KAZN: variants seen among roughly 807,000 people sequenced by gnomAD.
The protein encoded by KAZN is kazrin, periplakin interacting protein, also known as kazrin.
A neutral mutation model predicts 87.4 loss-of-function variants in KAZN; 40 were observed. The ratio of observed to expected loss-of-function variants is 0.46; its 90% confidence interval spans 0.36 to 0.60. The LOEUF is 0.60. Ranked by LOEUF, KAZN falls within the 20% of genes least tolerant of loss-of-function variation. KAZN has a pLI of 0.00. For missense variants in KAZN, 898 were observed against 1,073.9 expected (o/e 0.84, Z 2.29); for synonymous variants, 466 against 458.3 (o/e 1.02, Z -0.22).
intron 1 of KAZN, among the ~76,000 whole-genome samples, chr1:14,896,859 G>A (rs1331806120): frequency 1.3e-5 from 2 of 152,158 alleles, no homozygotes; most frequent in African/African-American, 4.8e-5. Flanking sequence ...GATTTGGGGT[G>A]CAAAGAGACC....
intron 1 of KAZN, among the ~76,000 whole-genome samples, chr1:14,764,339 G>A (rs969667572): frequency 2.7e-5 from 4 of 149,966 alleles, no homozygotes; most frequent in Non-Finnish European, 4.4e-5. Context: ...TCCTGATCAC[G>A]ATCACCCTAT....
chr1:14,605,597 A>G (rs999084801), intron 1 of KAZN, among the ~76,000 whole-genome samples: 6 of 152,218 alleles, frequency 3.9e-5, no homozygotes, highest in Admixed American at 6.5e-5. Flanking sequence ...TAAGAAAATC[A>G]TAAGGAAGAG....
At chr1:14,439,264 A>G (rs1666567469) in intron 2 of KAZN, among the ~76,000 whole-genome samples, 1 of 152,068 alleles carries the variant, frequency 6.6e-6, no homozygotes, top group Non-Finnish European at 1.5e-5. Flanking sequence ...CATGCTCCCT[A>G]TGTGATCCAT....
chr1:14,809,832 T>G (rs987103751), intron 1 of KAZN, among the ~76,000 whole-genome samples: 2 of 152,124 alleles, frequency 1.3e-5, no homozygotes, highest in African/African-American at 4.8e-5. Flanking sequence ...CAGGCCACAG[T>G]GCTGGTGGGT....
In KAZN at chr1:15,094,364, G is replaced by A. The variant is rs573589914; in HGVS notation, c.1407G>A (p.Thr469=). ...MAMPMYVKAC[T]ENVKSGKVLL... ...TGCCTATGTACGTCAAGGCCTGCAC[G>A]GAGAACGTGAAGAGCGGGAAGGTAG... The change falls in exon 9 of 15, where the codon ACG becomes ACA. Residue 469 remains threonine, a synonymous_variant. Coordinates refer to ENST00000376030, the MANE Select transcript of KAZN (RefSeq NM_201628.3). The surrounding 1 kb of genome is among the most constrained non-coding windows in gnomAD (Gnocchi z 4.5). 2.0e-5 allele frequency: 32 copies of A among 1,613,200 alleles called. No homozygotes were observed. In the East Asian group the frequency reaches 2.5e-4, roughly 12 times the overall value.
rs967390793 is a variant in KAZN at position 14,923,485 on chromosome 1, C to A, written c.227-37199C>A. 6.6e-6 allele frequency among the ~76,000 whole-genome samples: 1 copy of A among 152,164 alleles called. No homozygotes were observed. Among genetic ancestry groups the A allele is most frequent in the Non-Finnish European group, 1.5e-5 (1 of 68,038 alleles). The stretch of plus-strand genomic sequence containing the variant: ...TCCCAGGGTCCAGGCTCTGGCCTCC[C>A]CTGCCAATGGCTGCCATAGTTGGAG... On this transcript the variant is annotated intron_variant, in intron 1 of 14. Coordinates refer to ENST00000376030, the MANE Select transcript of KAZN (RefSeq NM_201628.3). This position sits in a 1 kb window ranked among gnomAD's most constrained non-coding sequence, Gnocchi z 4.2.
At chr1:14,257,798 T>G (rs1571159477) in intron 2 of KAZN, among the ~76,000 whole-genome samples, 2 of 47,158 alleles carry the variant, frequency 4.2e-5, no homozygotes, top group African/African-American at 9.2e-5. Context: ...TGTGGTGGGG[T>G]CGGGGGAGGG....
intron 1 of KAZN, among the ~76,000 whole-genome samples, chr1:14,858,247 C>G (rs529952894): frequency 4.5e-5 from 5 of 112,070 alleles, no homozygotes; most frequent in Non-Finnish European, 8.5e-5. Flanking sequence ...AAGTCTCACT[C>G]TGTTGCCCAG....
chr1:14,619,535 A>G (rs1005567147), intron 1 of KAZN, among the ~76,000 whole-genome samples: 5 of 152,218 alleles, frequency 3.3e-5, no homozygotes, highest in African/African-American at 1.2e-4. Flanking sequence ...TGAAATACAC[A>G]TAACGGAAAA....
At position 15,067,303 on chromosome 1, in the gene KAZN, G is replaced by A. The variant is rs558865140; in HGVS notation, c.1222+1550G>A. 64 of 985,508 alleles carry A rather than the reference G, an allele frequency of 6.5e-5. 1 individual carries two copies. The African/African-American group carries it at 1.1e-3, about 16-fold the overall frequency. The allele number at this position is 985,508 out of a possible 1,614,324, so 61.0% of individuals were successfully genotyped here. A position where few individuals can be genotyped will look rare whatever the true frequency, so the allele number is the denominator to read the frequency against. On this transcript the variant is annotated intron_variant, in intron 8 of 14. Coordinates refer to ENST00000376030, the MANE Select transcript of KAZN (RefSeq NM_201628.3). ...TCCCTTGGACTCCGTCCCCCAACTT[G>A]TCACAGCAGCCTGAGCCTACCCACC...
At chr1:14,434,723 C>T (rs1279812106) in intron 2 of KAZN, among the ~76,000 whole-genome samples, 3 of 152,076 alleles carry the variant, frequency 2.0e-5, no homozygotes, top group Non-Finnish European at 4.4e-5. Flanking sequence ...GCAGCTCAGG[C>T]ATGACAGGAA....
At chr1:15,029,102 C>T (rs1671437410) in intron 2 of KAZN, among the ~76,000 whole-genome samples, 1 of 152,204 alleles carries the variant, frequency 6.6e-6, no homozygotes, top group South Asian at 2.1e-4. Context: ...ATGGCCAGAA[C>T]TGTGACACCT....
intron 2 of KAZN, among the ~76,000 whole-genome samples, chr1:14,552,271 G>A (rs950905897): frequency 6.6e-5 from 10 of 152,154 alleles, no homozygotes; most frequent in South Asian, 2.1e-4. Context: ...GATCTTGAGC[G>A]GTTCATTTCT....
intron 1 of KAZN, among the ~76,000 whole-genome samples, chr1:14,938,052 T>A (rs1660649399): frequency 1.3e-5 from 2 of 152,158 alleles, no homozygotes; most frequent in South Asian, 4.1e-4. Context: ...GACACAGGGC[T>A]CTGAGTGTGG....
chr1:14,569,448 G>C (rs1025366246), intron 2 of KAZN, among the ~76,000 whole-genome samples: 3 of 147,214 alleles, frequency 2.0e-5, no homozygotes, highest in African/African-American at 7.5e-5. Flanking sequence ...TCAGCCTCCC[G>C]AGTAGCTGGG....
rs373603693 is a variant in KAZN, at chr1:14,735,063, T to TTTTTTGTTTTG, written c.226+135844_226+135845insTGTTTTGTTTT. Among the ~76,000 whole-genome samples, 5,568 of 152,246 alleles carry TTTTTTGTTTTG rather than the reference T, an allele frequency of 0.037. 305 individuals are homozygous for TTTTTTGTTTTG. The highest frequency in any genetic ancestry group is 0.13 in the African/African-American group (5,243 of 41,514). On this transcript the variant is annotated intron_variant, in intron 1 of 14. Transcript: ENST00000376030. The surrounding 1 kb of genome is among the most constrained non-coding windows in gnomAD (Gnocchi z 4.3). Reference sequence around the variant, plus strand: ...GGATGCTAAATGGTCATGCTGGTTTTTTTTGTTTTGTTTTGAGACGGAGTC... The same window carrying TTTTTTGTTTTG: ...GGATGCTAAATGGTCATGCTGGTTTTTTTTTGTTTTGTTTTGTTTTGTTTTGAGACGGAGTC...
rs867256628 is a variant in KAZN at position 14,111,474 on chromosome 1, T to G, written c.92-68961T>G. ...CTGGTGATAATTGTGCACTGAGTAC[T>G]AACGTCAGGCCCAGCAGAGTCCAAA... On this transcript the variant is annotated intron_variant, in intron 1 of 16. Transcript: ENST00000636203. Among the ~76,000 whole-genome samples the G allele has an allele frequency of 3.0e-5, 4 of 135,558 alleles. 1 individual carries two copies. The highest frequency in any genetic ancestry group is 4.9e-4 in the South Asian group (2 of 4,078). 88.9% of individuals were successfully genotyped at this position (135,558 alleles called of 152,430 possible). A position where few individuals can be genotyped will look rare whatever the true frequency, so the allele number is the denominator to read the frequency against.
intron 1 of KAZN, among the ~76,000 whole-genome samples, chr1:14,915,308 T>C (rs1319931566): frequency 6.6e-6 from 1 of 152,208 alleles, no homozygotes; most frequent in Non-Finnish European, 1.5e-5. Context: ...TGGTAACTTT[T>C]AAGTAAGGAG....
chr1:14,582,273 ACCT>A (rs1400623849), intron 2 of KAZN, among the ~76,000 whole-genome samples: 1 of 151,968 alleles, frequency 6.6e-6, no homozygotes, highest in Non-Finnish European at 1.5e-5. Flanking sequence ...TGTTCTCACC[ACCT>A]CCTCCAGAAA....
Sources: gnomAD v4.1 joint callset for allele counts (sites outside exome capture counted in the v4.1 genomes callset) on GRCh38, gnomAD v4.1.1 for gene constraint, Gnocchi (gnomAD v3.1) non-coding constraint, MANE v1.5 for transcripts, NCBI Gene and HGNC (gene_info 2026-07-23, HGNC 2026-07-21) for gene names.